The following GNA11 variants were observed in gnomAD, a reference collection of about 807,000 sequenced individuals.
The protein encoded by GNA11 is guanine nucleotide-binding protein subunit alpha-11.
In GNA11, 8 loss-of-function variants were observed where a neutral mutation model predicts 38.2. That is an observed-to-expected ratio of 0.21 (90% CI 0.12 to 0.38). The LOEUF is 0.38. Ranked by LOEUF, GNA11 falls within the 10% of genes least tolerant of loss-of-function variation. GNA11 has a pLI of 1.00. For missense variants in GNA11, 268 were observed against 516.3 expected (o/e 0.52, Z 4.66); for synonymous variants, 211 against 221.4 (o/e 0.95, Z 0.42).
intron 1 of GNA11, among the ~76,000 whole-genome samples, chr19:3,107,577 G>T (rs1156723964): frequency 6.6e-6 from 1 of 152,148 alleles, no homozygotes; most frequent in African/African-American, 2.4e-5. Flanking sequence ...CTGTTTCCAG[G>T]TGAAACACCC....
In GNA11 at chr19:3,094,610, G is replaced by T; in HGVS notation, c.-42G>T. ...GCCAGGGCCGGGCCGGGGGCCGGGG[G>T]GCGGCGGCGGGCAGGCGGCCGCGTC... On this transcript the variant is annotated 5_prime_UTR_variant, in exon 1 of 7. Coordinates refer to ENST00000078429, the MANE Select transcript of GNA11 (RefSeq NM_002067.5). This position sits in a 1 kb window ranked among gnomAD's most constrained non-coding sequence, Gnocchi z 6.0. The T allele has an allele frequency of 9.7e-7, 1 of 1,036,058 alleles. No homozygotes were observed. The highest frequency in any genetic ancestry group is 1.2e-6 in the Non-Finnish European group (1 of 842,136). 64.2% of individuals were successfully genotyped at this position (1,036,058 alleles called of 1,614,324 possible). A position where few individuals can be genotyped will look rare whatever the true frequency, so the allele number is the denominator to read the frequency against.
Position 3,113,342 on chromosome 19 carries a change from C to T in GNA11, c.334C>T (p.Leu112=), listed in dbSNP as rs752795403. The part of the protein sequence containing the change: ...KYEQNKANAL[L]IREVDVEKVT... ...CCCGCCCTCGCAGGCCAATGCGCTCCTGATCCGGGAGGTGGACGTGGAGAA... is the reference window on the plus strand; with the variant it reads ...CCCGCCCTCGCAGGCCAATGCGCTCTTGATCCGGGAGGTGGACGTGGAGAA... Residue 112 remains leucine (L), a synonymous_variant, in exon 3 of 7, where the codon CTG becomes TTG. Coordinates refer to ENST00000078429, the MANE Select transcript of GNA11 (RefSeq NM_002067.5). 3.2e-5 allele frequency: 52 copies of T among 1,613,266 alleles called. No homozygotes were observed. The highest frequency in any genetic ancestry group is 4.0e-5 in the Non-Finnish European group (47 of 1,179,926).
In GNA11 at chr19:3,108,284, A is replaced by C. The variant is rs1913684218; in HGVS notation, c.137-1865A>C. On this transcript the variant is annotated intron_variant, in intron 1 of 6. Transcript: ENST00000078429. The surrounding 1 kb of genome is among the most constrained non-coding windows in gnomAD (Gnocchi z 4.5). ...GGTCCTGCGACAGGCACCTGTGCAA[A>C]GATATCTACCATGGGCAGCAAGGAA... is the stretch of plus-strand genomic sequence containing the variant. Among the ~76,000 whole-genome samples, 1 of 152,204 alleles carries C rather than the reference A, an allele frequency of 6.6e-6. No homozygotes were observed. The highest frequency in any genetic ancestry group is 6.5e-5 in the Admixed American group (1 of 15,276).
At chr19:3,106,439 G>A (rs1913639877) in intron 1 of GNA11, among the ~76,000 whole-genome samples, 1 of 152,236 alleles carries the variant, frequency 6.6e-6, no homozygotes, top group Non-Finnish European at 1.5e-5. Flanking sequence ...GCTGTCCAGA[G>A]CCTCGCCCTT....
chr19:3,097,572 C>T (rs552363432), intron 1 of GNA11, among the ~76,000 whole-genome samples: 10 of 152,348 alleles, frequency 6.6e-5, no homozygotes, highest in African/African-American at 2.2e-4. Flanking sequence ...AAGAACGCCG[C>T]GTCTGCTCGC....
chr19:3,121,536 G>A lies in GNA11; in HGVS notation c.*357G>A, dbSNP rs1170748896. 3.4e-5 allele frequency: 8 copies of A among 238,144 alleles called. No homozygotes were observed. Among genetic ancestry groups the A allele is most frequent in the Middle Eastern group, 1.2e-3 (1 of 822 alleles). 14.8% of individuals were successfully genotyped at this position (238,144 alleles called of 1,614,324 possible). A position where few individuals can be genotyped will look rare whatever the true frequency, so the allele number is the denominator to read the frequency against. On this transcript the variant is annotated 3_prime_UTR_variant, in exon 7 of 7. Coordinates refer to ENST00000078429, the MANE Select transcript of GNA11 (RefSeq NM_002067.5). Reference sequence around the variant, plus strand: ...CGCCCCGTGCCCCCAGTGACTCTGGGCCTCACAGAGCCCCCGCCAGCCAGC... The same window carrying A: ...CGCCCCGTGCCCCCAGTGACTCTGGACCTCACAGAGCCCCCGCCAGCCAGC...
rs766787225 is a variant in GNA11 at position 3,114,932 on chromosome 19, G to T, written c.477-12G>T. On this transcript the variant is annotated splice_polypyrimidine_tract_variant and intron_variant, in intron 3 of 6. Coordinates refer to ENST00000078429, the MANE Select transcript of GNA11 (RefSeq NM_002067.5). ...CCGGCAGCCGGCCTGAGCACCCACCGCTGTGTTGCAGCTACCTGACCGACG... is the reference window on the plus strand; with the variant it reads ...CCGGCAGCCGGCCTGAGCACCCACCTCTGTGTTGCAGCTACCTGACCGACG... 3 of 1,595,608 alleles carry T rather than the reference G, an allele frequency of 1.9e-6. No homozygotes were observed. The highest frequency in any genetic ancestry group is 1.4e-5 in the African/African-American group (1 of 72,620).
chr19:3,120,582 A>G lies in GNA11; in HGVS notation c.890-407A>G, dbSNP rs543154596. On this transcript the variant is annotated intron_variant, in intron 6 of 6. Transcript: ENST00000078429. The surrounding 1 kb of genome is among the most constrained non-coding windows in gnomAD (Gnocchi z 5.9). ...GGGGCACCGTGGGTGGGTGGGGGCCACTGTTCCTGCTCTGTAGGCTCTGTG... is the reference window on the plus strand; with the variant it reads ...GGGGCACCGTGGGTGGGTGGGGGCCGCTGTTCCTGCTCTGTAGGCTCTGTG... Among the ~76,000 whole-genome samples, 52 of 152,218 alleles carry G rather than the reference A, an allele frequency of 3.4e-4. No individual in the cohort carries two copies. Among genetic ancestry groups the G allele is most frequent in the African/African-American group, 1.3e-3 (52 of 41,540 alleles).
Position 3,122,120 on chromosome 19 carries a change from G to C in GNA11, c.*941G>C, listed in dbSNP as rs1418500776. 5 of 233,200 alleles carry C rather than the reference G, an allele frequency of 2.1e-5. No individual in the cohort carries two copies. Among genetic ancestry groups the C allele is most frequent in the African/African-American group, 8.8e-5 (4 of 45,302 alleles). The allele number at this position is 233,200 out of a possible 1,614,324, so 14.4% of individuals were successfully genotyped here. ...TGGGCGGCTGGAGGGATGGTCCCCC[G>C]GTGACACTGGGAGAAAGGCCACTTG... On this transcript the variant is annotated 3_prime_UTR_variant, in exon 7 of 7. Transcript: ENST00000078429. This position sits in a 1 kb window ranked among gnomAD's most constrained non-coding sequence, Gnocchi z 7.7.
chr19:3,114,417 G>A (rs938237342), intron 3 of GNA11, among the ~76,000 whole-genome samples: 1 of 152,228 alleles, frequency 6.6e-6, no homozygotes, highest in African/African-American at 2.4e-5. Flanking sequence ...CAGTAGCTGC[G>A]CTGTGTAGAC....
chr19:3,109,617 G>A (rs1045162712), intron 1 of GNA11, among the ~76,000 whole-genome samples: 5 of 152,212 alleles, frequency 3.3e-5, no homozygotes, highest in South Asian at 4.1e-4. Flanking sequence ...TGCTTGGTGC[G>A]CAGGGGGCAG....
chr19:3,097,382 C>T (rs1224803217), intron 1 of GNA11, among the ~76,000 whole-genome samples: 2 of 152,132 alleles, frequency 1.3e-5, no homozygotes, highest in African/African-American at 2.4e-5. Context: ...TCCCGTACAG[C>T]GTTGTGGAGT....
intron 1 of GNA11, among the ~76,000 whole-genome samples, chr19:3,107,730 A>G (rs1913672819): frequency 6.6e-6 from 1 of 151,940 alleles, no homozygotes; most frequent in Non-Finnish European, 1.5e-5. Context: ...GGTGCTCCTG[A>G]GATGGAGTGG....
chr19:3,113,917 G>A (rs980868836), intron 3 of GNA11, among the ~76,000 whole-genome samples: 1 of 152,216 alleles, frequency 6.6e-6, no homozygotes, highest in Admixed American at 6.5e-5. Context: ...GACTGGCTGT[G>A]ACCTTGACTG....
intron 4 of GNA11, 34 bp from the exon 5 acceptor site, chr19:3,118,890 C>T (rs2145325775): frequency 6.2e-7 from 1 of 1,601,948 alleles, no homozygotes; most frequent in African/African-American, 1.4e-5. Flanking sequence ...CTTGGGGCGC[C>T]AGGTGGCTGA....
Position 3,119,367 on chromosome 19 carries a change from G to T in GNA11, c.889+8G>T. ...ACTTCCCCGAGTTCGATGGTGCGCC[G>T]GGCTGCGGCATGGGGAGGGGCTCGC... On this transcript the variant is annotated splice_region_variant and intron_variant, in intron 6 of 6. Transcript: ENST00000078429. This position sits in a 1 kb window ranked among gnomAD's most constrained non-coding sequence, Gnocchi z 4.6. The T allele has an allele frequency of 6.2e-7, 1 of 1,612,546 alleles. No homozygotes were observed. Among genetic ancestry groups the T allele is most frequent in the African/African-American group, 1.3e-5 (1 of 74,884 alleles).
At chr19:3,096,512 C>G (rs1053331889) in intron 1 of GNA11, among the ~76,000 whole-genome samples, 1 of 152,190 alleles carries the variant, frequency 6.6e-6, no homozygotes, top group Non-Finnish European at 1.5e-5. Context: ...CCTGCATGCA[C>G]CCGGTCTTCT....
In GNA11 at chr19:3,122,785, G is replaced by A; in HGVS notation, c.*1606G>A. Reference sequence around the variant, plus strand: ...ACCAGCAGTTCCCGCCTGCCTGCCCGCCACTGTCAGGCCTGCCCTGGCCTC... The same window carrying A: ...ACCAGCAGTTCCCGCCTGCCTGCCCACCACTGTCAGGCCTGCCCTGGCCTC... On this transcript the variant is annotated 3_prime_UTR_variant, in exon 7 of 7. Transcript: ENST00000078429. This position sits in a 1 kb window ranked among gnomAD's most constrained non-coding sequence, Gnocchi z 7.7. 1 of 233,832 alleles carries A rather than the reference G, an allele frequency of 4.3e-6. No homozygotes were observed. The highest frequency in any genetic ancestry group is 8.4e-6 in the Non-Finnish European group (1 of 118,520). 14.5% of individuals were successfully genotyped at this position (233,832 alleles called of 1,614,324 possible).
chr19:3,118,751 C>A, intron 4 of GNA11, 173 bp from the exon 5 acceptor site: 2 of 617,766 alleles, frequency 3.2e-6, no homozygotes, highest in Non-Finnish European at 5.7e-6. Flanking sequence ...CCCCTGGAGG[C>A]GGTGCGGCCG....
Sources: gnomAD v4.1 joint callset for allele counts (sites outside exome capture counted in the v4.1 genomes callset) on GRCh38, gnomAD v4.1.1 for gene constraint, Gnocchi (gnomAD v3.1) non-coding constraint, MANE v1.5 for transcripts, NCBI Gene and HGNC (gene_info 2026-07-23, HGNC 2026-07-21) for gene names.